ASRGL1: variants seen among roughly 807,000 people sequenced by gnomAD.
ASRGL1 encodes the protein asparaginase and isoaspartyl peptidase 1.
Under a neutral mutation model 22.4 loss-of-function variants are expected in ASRGL1, and 16 were observed. That is an observed-to-expected ratio of 0.71 (90% confidence interval 0.48 to 1.08). The LOEUF (loss-of-function observed/expected upper bound fraction) is 1.08. ASRGL1 is among the 50% of genes least tolerant of loss of function. The pLI, the probability that ASRGL1 is intolerant of heterozygous loss-of-function variation, is 0.00. For synonymous variants in ASRGL1, 165 were observed against 159.3 expected, an observed-to-expected ratio of 1.04 and a Z score of -0.27; for missense variants, 412 against 410.1, an observed-to-expected ratio of 1.00 and a Z score of -0.04.
At chr11:62,374,249 C>T (rs1332911037) in intron 4 of ASRGL1, among the ~76,000 whole-genome samples, 5 of 152,182 alleles carry the variant, frequency 3.3e-5, no homozygotes, top group South Asian at 2.1e-4. Context: ...CATGTCAGCA[C>T]GGATGCCGTG....
intron 4 of ASRGL1, among the ~76,000 whole-genome samples, chr11:62,359,808 G>A (rs1946390385): frequency 6.6e-6 from 1 of 151,980 alleles, no homozygotes; most frequent in South Asian, 2.1e-4. Flanking sequence ...TTATTTTGAT[G>A]AAAATATTTA....
chr11:62,395,011 A>G (rs184384716), downstream of ASRGL1, among the ~76,000 whole-genome samples: 191 of 152,314 alleles, frequency 1.3e-3, 1 homozygote, highest in African/African-American at 4.1e-3. Flanking sequence ...GCAGCAAACT[A>G]TAAACTATCC....
Position 62,392,444 on chromosome 11 carries a change from G to T in ASRGL1, c.*160G>T. 1.2e-6 allele frequency: 1 copy of T among 859,954 alleles called. No individual in the cohort carries two copies. Among genetic ancestry groups the T allele is most frequent in the Non-Finnish European group, 1.8e-6 (1 of 561,762 alleles). 53.3% of individuals were successfully genotyped at this position (859,954 alleles called of 1,614,324 possible). A position where few individuals can be genotyped will look rare whatever the true frequency, so the allele number is the denominator to read the frequency against. ...ATCTGAATGTTTGGTTGTGGGGCGG[G>T]TTCTGAAGCGATGAGAGAAATGCCC... On this transcript the variant is annotated 3_prime_UTR_variant, in exon 7 of 7. Coordinates refer to ENST00000415229, the MANE Select transcript of ASRGL1 (RefSeq NM_001083926.2).
At position 62,389,125 on chromosome 11, in the gene ASRGL1, T is replaced by C. The variant is rs752261264; in HGVS notation, c.492-8T>C. Reference sequence around the variant, plus strand: ...GCCTGTCACTTTTTTTCTGTTTATTTTTGGCAGAAACTTGGGAACCGTGGG... The same window carrying C: ...GCCTGTCACTTTTTTTCTGTTTATTCTTGGCAGAAACTTGGGAACCGTGGG... On this transcript the variant is annotated splice_region_variant and splice_polypyrimidine_tract_variant and intron_variant, in intron 4 of 6. Coordinates refer to ENST00000415229, the MANE Select transcript of ASRGL1 (RefSeq NM_001083926.2). 3 of 1,604,148 alleles carry C rather than the reference T, an allele frequency of 1.9e-6. No individual in the cohort carries two copies. Among genetic ancestry groups the C allele is most frequent in the Non-Finnish European group, 2.6e-6 (3 of 1,171,690 alleles).
At chr11:62,380,092 C>T (rs1250524104) in intron 4 of ASRGL1, among the ~76,000 whole-genome samples, 1 of 152,116 alleles carries the variant, frequency 6.6e-6, no homozygotes, top group Non-Finnish European at 1.5e-5. Context: ...AATGTTCTAA[C>T]TTGTCCTCCT....
In ASRGL1 at chr11:62,353,311, TATTTC is replaced by T. The variant is rs1300675418; in HGVS notation, c.191-3012_191-3008del. Reference sequence around the variant, plus strand: ...GCTGAAACTTTATAATTTTTTTAGTTATTTCAAGTTCATTGAAGCATTTTTATGAT... The same window carrying T: ...GCTGAAACTTTATAATTTTTTTAGTTAAGTTCATTGAAGCATTTTTATGAT... On this transcript the variant is annotated intron_variant, in intron 2 of 6. Coordinates refer to ENST00000415229, the MANE Select transcript of ASRGL1 (RefSeq NM_001083926.2). Among the ~76,000 whole-genome samples, 3 of 151,806 alleles carry T rather than the reference TATTTC, an allele frequency of 2.0e-5. No homozygotes were observed. In the East Asian group the frequency reaches 5.8e-4, roughly 29 times the overall value.
intron 2 of ASRGL1, among the ~76,000 whole-genome samples, chr11:62,341,752 A>G (rs770176349): frequency 2.6e-5 from 4 of 152,222 alleles, no homozygotes; most frequent in Non-Finnish European, 4.4e-5. Context: ...GTTCCATGAC[A>G]GAGACATATA....
chr11:62,369,238 T>C (rs1946698105), intron 4 of ASRGL1, among the ~76,000 whole-genome samples: 1 of 152,194 alleles, frequency 6.6e-6, no homozygotes, highest in South Asian at 2.1e-4. Context: ...TCAAGCACTT[T>C]TTTTTAACAA....
At chr11:62,362,936 T>G (rs1300227884) in intron 4 of ASRGL1, among the ~76,000 whole-genome samples, 2 of 74,020 alleles carry the variant, frequency 2.7e-5, no homozygotes, top group Non-Finnish European at 2.4e-5. Flanking sequence ...TTTTTTTTTT[T>G]GAGACAGAGT....
chr11:62,399,200 G>A, the ASRGL1 span, among the ~76,000 whole-genome samples: 1 of 152,046 alleles, frequency 6.6e-6, no homozygotes, highest in Non-Finnish European at 1.5e-5. Flanking sequence ...TGGGCGACAA[G>A]AACAAAACTC....
chr11:62,343,377 C>A (rs1413320952), intron 2 of ASRGL1, among the ~76,000 whole-genome samples: 1,046 of 85,692 alleles, frequency 0.012, no homozygotes, highest in South Asian at 0.014. Flanking sequence ...GACCCTGTCT[C>A]AAAAAAAAAA....
intron 4 of ASRGL1, among the ~76,000 whole-genome samples, chr11:62,383,602 C>CAAAAA (rs35096038): frequency 2.3e-4 from 5 of 21,900 alleles, no homozygotes; most frequent in Admixed American, 7.8e-4. Flanking sequence ...GACTCCTACT[C>CAAAAA]AAAAAAAAAA....
intron 2 of ASRGL1, among the ~76,000 whole-genome samples, chr11:62,344,175 T>C (rs1223406687): frequency 6.6e-6 from 1 of 152,054 alleles, no homozygotes; most frequent in Non-Finnish European, 1.5e-5. Flanking sequence ...GGATTACAGG[T>C]GTGAGCCACT....
At chr11:62,343,103 C>T (rs185863396) in intron 2 of ASRGL1, among the ~76,000 whole-genome samples, 2 of 151,980 alleles carry the variant, frequency 1.3e-5, no homozygotes, top group South Asian at 2.1e-4. Context: ...ACTGGCCGGG[C>T]GCGGTGGCTC....
intron 4 of ASRGL1, among the ~76,000 whole-genome samples, chr11:62,366,898 A>G (rs1379381535): frequency 1.3e-5 from 2 of 152,082 alleles, no homozygotes; most frequent in Admixed American, 6.6e-5. Context: ...TTGCTATGGT[A>G]TTTTTGCCGT....
chr11:62,379,049 T>C (rs9667654), intron 4 of ASRGL1, among the ~76,000 whole-genome samples: 146,000 of 152,188 alleles, frequency 0.96, 70,355 homozygotes, highest in Non-Finnish European at 1. Context: ...TAGTGATTTC[T>C]GCACCCCATT....
At chr11:62,391,485 A>G in intron 5 of ASRGL1, 37 bp from the exon 6 acceptor site, 2 of 1,574,400 alleles carry the variant, frequency 1.3e-6, no homozygotes, top group East Asian at 4.6e-5. Context: ...GAATTTCTTG[A>G]CTGTTACTGC....
intron 4 of ASRGL1, among the ~76,000 whole-genome samples, chr11:62,361,648 C>T (rs546240299): frequency 6.0e-4 from 91 of 151,728 alleles, no homozygotes; most frequent in Non-Finnish European, 8.0e-4. Flanking sequence ...CCACCATGCC[C>T]GGCTAATTTT....
chr11:62,399,818 C>T, the ASRGL1 span, among the ~76,000 whole-genome samples: 1 of 152,182 alleles, frequency 6.6e-6, no homozygotes, highest in South Asian at 2.1e-4. Flanking sequence ...CATTTGGTGC[C>T]ACCCTGGCCC....
Sources: gnomAD v4.1 joint callset for allele counts (sites outside exome capture counted in the v4.1 genomes callset) on GRCh38, gnomAD v4.1.1 for gene constraint, MANE v1.5 for transcripts, NCBI Gene and HGNC (gene_info 2026-07-23, HGNC 2026-07-21) for gene names.